PRADC1: variants seen among roughly 807,000 people sequenced by gnomAD.
The protein encoded by PRADC1 is protease-associated domain-containing protein 1.
In PRADC1, 23 loss-of-function variants were observed where a neutral mutation model predicts 22.9. The observed-to-expected ratio is 1.00, with a 90% CI of 0.72 to 1.42. PRADC1 has a LOEUF of 1.42. PRADC1 is among the 40% of genes most tolerant of loss of function. The pLI is 0.00. For missense variants in PRADC1, 207 were observed against 258.3 expected, an observed-to-expected ratio of 0.80 and a Z score of 1.36; for synonymous variants, 71 against 100.3, an observed-to-expected ratio of 0.71 and a Z score of 1.75.
At chr2:73,231,426 C>CT (rs941817602) in intron 1 of PRADC1, among the ~76,000 whole-genome samples, 9 of 139,898 alleles carry the variant, frequency 6.4e-5, no homozygotes, top group African/African-American at 1.9e-4. Flanking sequence ...GCCTCTTTTT[C>CT]TTTTTTTTGA....
At chr2:73,229,781 G>A (rs1686600620) in intron 2 of PRADC1, 2 of 594,014 alleles carry the variant, frequency 3.4e-6, no homozygotes, top group East Asian at 2.8e-5. Flanking sequence ...TATGAGATAG[G>A]CAGGGGACTT....
Position 73,228,404 on chromosome 2 carries a change from C to T in PRADC1, c.*50G>A, listed in dbSNP as rs989075759. 1.9e-6 allele frequency: 3 copies of T among 1,608,806 alleles called. No individual in the cohort carries two copies. The highest frequency in any genetic ancestry group is 1.3e-5 in the African/African-American group (1 of 74,830). ...TCCAAGTAGCAAAATTCCTGGGTTT[C>T]CCCTTCCCAGCTCAGAGTCACTTAT... On this transcript the variant is annotated 3_prime_UTR_variant, in exon 5 of 5. Coordinates refer to ENST00000258083, the MANE Select transcript of PRADC1 (RefSeq NM_032319.3). The surrounding 1 kb of genome is among the most constrained non-coding windows in gnomAD (Gnocchi z 4.0).
chr2:73,229,765 C>G (rs1478597294), intron 2 of PRADC1, 195 bp from the exon 3 acceptor site: 3 of 600,760 alleles, frequency 5.0e-6, no homozygotes, highest in African/African-American at 1.9e-5. Context: ...CACCACCCTA[C>G]CCTTCTATGA....
chr2:73,231,648 A>AT (rs1335785241), intron 1 of PRADC1, among the ~76,000 whole-genome samples: 2 of 143,228 alleles, frequency 1.4e-5, no homozygotes, highest in African/African-American at 2.6e-5. Context: ...TTTTTTTTTC[A>AT]TTTTTTAAAT....
At chr2:73,231,578 G>A (rs6727284) in intron 1 of PRADC1, among the ~76,000 whole-genome samples, 10,427 of 152,086 alleles carry the variant, frequency 0.069, 803 homozygotes, top group African/African-American at 0.19. Flanking sequence ...CACCATGCCT[G>A]GCTAATTTTT....
Position 73,228,417 on chromosome 2 carries a change from C to G in PRADC1, c.*37G>C. 6.2e-7 allele frequency: 1 copy of G among 1,612,422 alleles called. No individual in the cohort carries two copies. The highest frequency in any genetic ancestry group is 1.1e-5 in the South Asian group (1 of 90,854). On this transcript the variant is annotated 3_prime_UTR_variant, in exon 5 of 5. Transcript: ENST00000258083. The surrounding 1 kb of genome is among the most constrained non-coding windows in gnomAD (Gnocchi z 4.0). ...ATTCCTGGGTTTCCCCTTCCCAGCT[C>G]AGAGTCACTTATGGCTGGAATGTGG... is the stretch of plus-strand genomic sequence containing the variant.
chr2:73,230,297 G>C lies in PRADC1; in HGVS notation c.68-84C>G, dbSNP rs139891780. On this transcript the variant is annotated intron_variant, in intron 1 of 4. Coordinates refer to ENST00000258083, the MANE Select transcript of PRADC1 (RefSeq NM_032319.3). ...ATCCCAGACCCTGTGTCTTCAGCTG[G>C]GCTGGCTATAGTCTGGGCTCAGGGT... The C allele has an allele frequency of 2.3e-4, 235 of 1,013,378 alleles. 2 individuals carry two copies. In the East Asian group the frequency reaches 5.9e-3, roughly 26 times the overall value. 62.8% of individuals were successfully genotyped at this position (1,013,378 alleles called of 1,614,324 possible). A position where few individuals can be genotyped will look rare whatever the true frequency, so the allele number is the denominator to read the frequency against.
chr2:73,228,593 AGGT>A lies in PRADC1; in HGVS notation c.447-22_447-20del. ...CATGTAGCTGGGAGGGCATGAAGAG[AGGT>A]GGTGACGGTCACTTTCTTGGTACCC... On this transcript the variant is annotated intron_variant, in intron 4 of 4. Coordinates refer to ENST00000258083, the MANE Select transcript of PRADC1 (RefSeq NM_032319.3). The surrounding 1 kb of genome is among the most constrained non-coding windows in gnomAD (Gnocchi z 4.0). The A allele has an allele frequency of 1.2e-6, 2 of 1,613,876 alleles. No individual in the cohort carries two copies. Among genetic ancestry groups the A allele is most frequent in the Non-Finnish European group, 1.7e-6 (2 of 1,180,016 alleles).
At chr2:73,230,024 G>A in intron 2 of PRADC1, 89 bp downstream of exon 2, 1 of 898,534 alleles carries the variant, frequency 1.1e-6, no homozygotes, top group Non-Finnish European at 1.8e-6. Context: ...CCCTGTCCCA[G>A]CACTCAGGTG....
chr2:73,229,566 G>T lies in PRADC1; in HGVS notation c.173C>A (p.Thr58Lys). The T allele has an allele frequency of 6.2e-7, 1 of 1,613,262 alleles. No individual in the cohort carries two copies. The highest frequency in any genetic ancestry group is 8.5e-7 in the Non-Finnish European group (1 of 1,179,316). ...GACAAGGTGAATCTGCTCATACCTTGTGTGCTGAAAAACATTTAACATTTG... is the reference window on the plus strand; with the variant it reads ...GACAAGGTGAATCTGCTCATACCTTTTGTGCTGAAAAACATTTAACATTTG... ...PAKDFGGIFH[T>K]RYEQIHLVPA... Residue 58 changes from threonine (T) to lysine (K), a missense_variant, in exon 3 of 5, where the codon ACA becomes AAA. Coordinates refer to ENST00000258083, the MANE Select transcript of PRADC1 (RefSeq NM_032319.3).
rs1394797766 is a variant in PRADC1 at position 73,230,620 on chromosome 2, C to G, written c.68-407G>C. Among the ~76,000 whole-genome samples the G allele has an allele frequency of 2.0e-5, 3 of 152,242 alleles. No homozygotes were observed. In the East Asian group the frequency reaches 5.8e-4, roughly 29 times the overall value. On this transcript the variant is annotated intron_variant, in intron 1 of 4. Coordinates refer to ENST00000258083, the MANE Select transcript of PRADC1 (RefSeq NM_032319.3). ...CCCTTAAGTCTAGTCACTATCATCT[C>G]TTGTCCTGACAGCTCAGCTTCTTAC...
chr2:73,229,393 A>G, intron 3 of PRADC1, 68 bp downstream of exon 3: 2 of 1,049,174 alleles, frequency 1.9e-6, no homozygotes, highest in South Asian at 1.3e-5. Context: ...TCAAAGCACT[A>G]CTACCAATAA....
At chr2:73,229,228 T>C (rs1281059840) in intron 3 of PRADC1, among the ~76,000 whole-genome samples, 1 of 152,082 alleles carries the variant, frequency 6.6e-6, no homozygotes, top group Non-Finnish European at 1.5e-5. Flanking sequence ...CAAGCAATCC[T>C]CTCACCTCAG....
At chr2:73,230,764 T>A (rs1466842684) in intron 1 of PRADC1, among the ~76,000 whole-genome samples, 1 of 152,228 alleles carries the variant, frequency 6.6e-6, no homozygotes, top group African/African-American at 2.4e-5. Context: ...GCATTTAAAA[T>A]TTAAACTCTT....
chr2:73,231,583 AT>A (rs1156791989), intron 1 of PRADC1, among the ~76,000 whole-genome samples: 1 of 150,592 alleles, frequency 6.6e-6, no homozygotes. Context: ...TGCCTGGCTA[AT>A]TTTTTTTTGT....
chr2:73,233,200 G>C lies in PRADC1; in HGVS notation c.-40C>G, dbSNP rs1483594156. 13 of 1,266,878 alleles carry C rather than the reference G, an allele frequency of 1.0e-5. No homozygotes were observed. The highest frequency in any genetic ancestry group is 1.2e-5 in the Non-Finnish European group (12 of 979,352). The allele number at this position is 1,266,878 out of a possible 1,614,324, so 78.5% of individuals were successfully genotyped here. A position where few individuals can be genotyped will look rare whatever the true frequency, so the allele number is the denominator to read the frequency against. On this transcript the variant is annotated 5_prime_UTR_variant, in exon 1 of 5. Coordinates refer to ENST00000258083, the MANE Select transcript of PRADC1 (RefSeq NM_032319.3). ...CCGGCCCGGCGCCGCGTTTCCTCTC[G>C]CCGCCCCGCCGCGCGTCGCTCGCAG...
At position 73,228,833 on chromosome 2, in the gene PRADC1, T is replaced by C. The variant is rs1442835447; in HGVS notation, c.408A>G (p.Thr136=). Residue 136 remains threonine, a synonymous_variant, in exon 4 of 5, where the codon ACA becomes ACG. Transcript: ENST00000258083. This position sits in a 1 kb window ranked among gnomAD's most constrained non-coding sequence, Gnocchi z 4.0. ...VEMIQDSTQR[T]ADIPALFLLG... The stretch of plus-strand genomic sequence containing the variant: ...GCAGGAAGAGGGCGGGGATGTCAGC[T>C]GTGCGCTGGGTACTGTCCTGGATCA... The C allele has an allele frequency of 6.2e-7, 1 of 1,613,172 alleles. No individual in the cohort carries two copies. The highest frequency in any genetic ancestry group is 8.5e-7 in the Non-Finnish European group (1 of 1,179,928).
upstream of PRADC1, chr2:73,233,276 C>T: frequency 1.5e-6 from 1 of 652,928 alleles, no homozygotes; most frequent in Non-Finnish European, 2.4e-6. Flanking sequence ...CCCGCTCTCG[C>T]CGCGGGCTGG....
In PRADC1 at chr2:73,228,434, G is replaced by A. The variant is rs377008454; in HGVS notation, c.*20C>T. The A allele has an allele frequency of 1.2e-6, 2 of 1,613,320 alleles. No individual in the cohort carries two copies. Among genetic ancestry groups the A allele is most frequent in the African/African-American group, 1.3e-5 (1 of 74,920 alleles). On this transcript the variant is annotated 3_prime_UTR_variant, in exon 5 of 5. Transcript: ENST00000258083. This position sits in a 1 kb window ranked among gnomAD's most constrained non-coding sequence, Gnocchi z 4.0. Reference sequence around the variant, plus strand: ...TCCCAGCTCAGAGTCACTTATGGCTGGAATGTGGGACAAACTCTTCTACCA... The same window carrying A: ...TCCCAGCTCAGAGTCACTTATGGCTAGAATGTGGGACAAACTCTTCTACCA...
Sources: allele counts gnomAD v4.1 joint callset (sites outside exome capture counted in the v4.1 genomes callset), GRCh38; gene constraint gnomAD v4.1.1; non-coding constraint Gnocchi (gnomAD v3.1); transcripts MANE v1.5; gene names NCBI Gene and HGNC (gene_info 2026-07-23, HGNC 2026-07-21).